The following EVI5 variants were observed in gnomAD, a reference collection of about 807,000 sequenced individuals.
EVI5 encodes the protein ecotropic viral integration site 5 protein homolog.
In EVI5, 73 loss-of-function variants were observed where a neutral mutation model predicts 112.0. The ratio of observed to expected loss-of-function variants is 0.65; its 90% CI spans 0.54 to 0.79. The LOEUF is 0.79. EVI5 is among the 30% of genes least tolerant of loss of function. The probability of loss-of-function intolerance (pLI) is 0.00; values close to 1 mark genes in which losing one functional copy is unlikely to be tolerated. For missense variants in EVI5, 900 were observed against 968.8 expected, an observed-to-expected ratio of 0.93 and a Z score of 0.94; for synonymous variants, 305 against 319.9, an observed-to-expected ratio of 0.95 and a Z score of 0.50.
At chr1:92,679,241 C>G (rs1667221429) in intron 9 of EVI5, among the ~76,000 whole-genome samples, 1 of 152,150 alleles carries the variant, frequency 6.6e-6, no homozygotes, top group African/African-American at 2.4e-5. Context: ...AGCCATACCC[C>G]CAGCCCCCAT....
intron 19 of EVI5, among the ~76,000 whole-genome samples, chr1:92,530,734 TATC>T (rs1014435888): frequency 4.6e-5 from 7 of 151,474 alleles, no homozygotes; most frequent in African/African-American, 1.7e-4. Context: ...AAAGGCATAG[TATC>T]AACATCAACA....
rs1658772539 is a variant in EVI5, at chr1:92,636,104, T to TA, written c.1527+97dup. The TA allele has an allele frequency of 4.9e-6, 5 of 1,019,882 alleles. No homozygotes were observed. The East Asian group carries it at 1.3e-4, about 26-fold the overall frequency. The allele number at this position is 1,019,882 out of a possible 1,614,324, so 63.2% of individuals were successfully genotyped here. ...ACTAATATGTAAGGCTTCTAATGTA[T>TA]AAAAACACCAAGTCAATTAAATTGC... is the stretch of plus-strand genomic sequence containing the variant. On this transcript the variant is annotated intron_variant, in intron 14 of 19. Transcript: ENST00000684568.
intron 19 of EVI5, among the ~76,000 whole-genome samples, chr1:92,525,505 G>A (rs1233059683): frequency 3.3e-5 from 5 of 152,128 alleles, no homozygotes; most frequent in African/African-American, 1.2e-4. Context: ...CTGGACTCAA[G>A]TGATTCACCT....
chr1:92,688,244 G>A (rs559288580), intron 9 of EVI5, among the ~76,000 whole-genome samples: 1 of 152,266 alleles, frequency 6.6e-6, no homozygotes, highest in South Asian at 2.1e-4. Context: ...GGACATGGAT[G>A]AAGCTGGAAA....
At chr1:92,552,122 GAA>G (rs143454054) in intron 19 of EVI5, among the ~76,000 whole-genome samples, 4,750 of 122,998 alleles carry the variant, frequency 0.039, 204 homozygotes, top group African/African-American at 0.11. Flanking sequence ...GGGCTGTAGG[GAA>G]AAAAAAAAAA....
At chr1:92,546,448 C>CAGCACTTTGGG (rs1557754937) in intron 19 of EVI5, among the ~76,000 whole-genome samples, 1 of 152,050 alleles carries the variant, frequency 6.6e-6, no homozygotes, top group Non-Finnish European at 1.5e-5. Flanking sequence ...CCTGTAATCC[C>CAGCACTTTGGG]AGCACTTTGG....
At chr1:92,677,999 A>G (rs1401382356) in intron 9 of EVI5, among the ~76,000 whole-genome samples, 1 of 152,142 alleles carries the variant, frequency 6.6e-6, no homozygotes, top group Non-Finnish European at 1.5e-5. Context: ...GGAGCTAAAC[A>G]CTGGGTACTC....
intron 1 of EVI5, among the ~76,000 whole-genome samples, chr1:92,775,443 AG>A (rs1280621788): frequency 6.6e-6 from 1 of 150,674 alleles, no homozygotes; most frequent in East Asian, 1.9e-4. Context: ...AAAAAAAAAG[AG>A]GGTGGTCTCA....
At chr1:92,787,760 GAA>G (rs919136997), upstream of EVI5, among the ~76,000 whole-genome samples, 3 of 151,558 alleles carry the variant, frequency 2.0e-5, no homozygotes, top group African/African-American at 7.3e-5. Context: ...AAAAGAGAGA[GAA>G]AGAGAGAGGA....
chr1:92,602,969 G>A (rs1244658486), intron 18 of EVI5, among the ~76,000 whole-genome samples: 1 of 152,068 alleles, frequency 6.6e-6, no homozygotes. Context: ...GTGATACTGA[G>A]AATATATAAA....
intron 19 of EVI5, among the ~76,000 whole-genome samples, chr1:92,524,162 G>T (rs1040550046): frequency 8.1e-6 from 1 of 122,736 alleles, no homozygotes; most frequent in East Asian, 2.5e-4. Context: ...AAAAAAAAAA[G>T]ATTCTTGAGC....
At position 92,512,167 on chromosome 1, in the gene EVI5, T is replaced by C. The variant is rs200793094; in HGVS notation, c.*1489A>G. ...TCTAGGAAATAATATCTAAATGATA[T>C]AGGAAAAACTGGTAGGAAAGGATTC... On this transcript the variant is annotated 3_prime_UTR_variant, in exon 20 of 20. Coordinates refer to ENST00000684568, the MANE Select transcript of EVI5 (RefSeq NM_001350197.2). The C allele has an allele frequency of 2.6e-5, 4 of 152,592 alleles. No homozygotes were observed. Among genetic ancestry groups the C allele is most frequent in the Admixed American group, 6.5e-5 (1 of 15,274 alleles). The allele number at this position is 152,592 out of a possible 1,614,324, so 9.5% of individuals were successfully genotyped here. A position where few individuals can be genotyped will look rare whatever the true frequency, so the allele number is the denominator to read the frequency against.
chr1:92,672,645 G>A (rs1032143441), intron 10 of EVI5, among the ~76,000 whole-genome samples: 8 of 152,174 alleles, frequency 5.3e-5, no homozygotes, highest in African/African-American at 1.9e-4. Flanking sequence ...TCTCCATGAG[G>A]ACAGATCATG....
chr1:92,589,364 A>G (rs1673355093), intron 18 of EVI5, among the ~76,000 whole-genome samples: 1 of 152,130 alleles, frequency 6.6e-6, no homozygotes, highest in Non-Finnish European at 1.5e-5. Flanking sequence ...TCCCTTTCCT[A>G]GCCAAGGAAA....
chr1:92,630,395 G>C (rs1656743837), intron 14 of EVI5, among the ~76,000 whole-genome samples: 1 of 152,268 alleles, frequency 6.6e-6, no homozygotes, highest in Non-Finnish European at 1.5e-5. Context: ...TTGTGGTTTT[G>C]ATTTGCATTT....
chr1:92,578,868 C>A (rs1279477977), intron 18 of EVI5, among the ~76,000 whole-genome samples: 1 of 151,994 alleles, frequency 6.6e-6, no homozygotes, highest in African/African-American at 2.4e-5. Context: ...CCAATATAAA[C>A]CATGGTTTTG....
chr1:92,715,940 G>T (rs1424874417), intron 2 of EVI5, among the ~76,000 whole-genome samples: 1 of 151,876 alleles, frequency 6.6e-6, no homozygotes, highest in Non-Finnish European at 1.5e-5. Flanking sequence ...GCTTGAGTAG[G>T]TAAACAAAGC....
intron 8 of EVI5, 81 bp downstream of exon 8, chr1:92,694,218 T>C (rs1424367195): frequency 1.3e-5 from 10 of 788,302 alleles, no homozygotes; most frequent in Non-Finnish European, 1.9e-5. Flanking sequence ...TGAGCCAAGA[T>C]CACGCCACTG....
At chr1:92,668,809 A>G (rs548898988) in intron 10 of EVI5, among the ~76,000 whole-genome samples, 14 of 152,276 alleles carry the variant, frequency 9.2e-5, no homozygotes, top group Non-Finnish European at 1.9e-4. Context: ...CTTTTTTTAA[A>G]ACTAATATCA....
Sources: gnomAD v4.1 joint callset for allele counts (sites outside exome capture counted in the v4.1 genomes callset) on GRCh38, gnomAD v4.1.1 for gene constraint, MANE v1.5 for transcripts, NCBI Gene and HGNC (gene_info 2026-07-23, HGNC 2026-07-21) for gene names.